The following SLIT3 variants were observed in gnomAD, a reference collection of about 807,000 sequenced individuals.
The protein encoded by SLIT3 is slit homolog 3 protein.
Under a neutral mutation model 184.0 loss-of-function variants are expected in SLIT3, and 68 were observed. The ratio of observed to expected loss-of-function variants is 0.37; its 90% CI spans 0.30 to 0.45. SLIT3 has a LOEUF of 0.45. SLIT3 is among the 20% of genes least tolerant of loss of function. The probability of loss-of-function intolerance (pLI) is 1.00; values close to 1 mark genes in which losing one functional copy is unlikely to be tolerated. For synonymous variants in SLIT3, 831 were observed against 828.6 expected (o/e 1.00, Z -0.05); for missense variants, 1,707 against 2,026.0 (o/e 0.84, Z 3.02).
At chr5:168,730,168 G>A (rs1763252236) in intron 20 of SLIT3, among the ~76,000 whole-genome samples, 1 of 151,616 alleles carries the variant, frequency 6.6e-6, no homozygotes, top group South Asian at 2.1e-4. Flanking sequence ...AATTCAGCAA[G>A]AGGATGTAAT....
chr5:168,720,352 G>A (rs1273612443), intron 23 of SLIT3: 1 of 146,812 alleles, frequency 6.8e-6, no homozygotes, highest in Non-Finnish European at 1.5e-5. Context: ...TGGTCAGGCT[G>A]GTGGTGTTCA....
At chr5:168,721,602 G>A (rs368976090) in intron 23 of SLIT3, among the ~76,000 whole-genome samples, 1 of 152,226 alleles carries the variant, frequency 6.6e-6, no homozygotes, top group African/African-American at 2.4e-5. Context: ...CAGCCATGCA[G>A]GAATGCAGGG....
At chr5:168,897,430 A>C (rs1760706063) in intron 4 of SLIT3, among the ~76,000 whole-genome samples, 1 of 152,122 alleles carries the variant, frequency 6.6e-6, no homozygotes, top group Non-Finnish European at 1.5e-5. Context: ...AGAGAGAGAG[A>C]GACAGAGAGA....
intron 34 of SLIT3, 115 bp from the exon 35 acceptor site, chr5:168,670,106 G>C (rs1487870923): frequency 1.2e-6 from 1 of 823,406 alleles, no homozygotes; most frequent in Non-Finnish European, 2.0e-6. Flanking sequence ...CAGTCCAATA[G>C]CTTTCTCTGT....
intron 4 of SLIT3, among the ~76,000 whole-genome samples, chr5:169,158,176 C>A (rs1012068732): frequency 6.6e-6 from 1 of 152,090 alleles, no homozygotes; most frequent in Non-Finnish European, 1.5e-5. Flanking sequence ...CAAGACGCAC[C>A]ATAGAAAAAT....
chr5:168,767,082 CT>C (rs1221011183), intron 14 of SLIT3, among the ~76,000 whole-genome samples: 1 of 152,142 alleles, frequency 6.6e-6, no homozygotes, highest in Non-Finnish European at 1.5e-5. Context: ...TAAAGTGGGA[CT>C]TTAGATTTTG....
intron 5 of SLIT3, among the ~76,000 whole-genome samples, chr5:168,874,067 C>T (rs1759638216): frequency 6.6e-6 from 1 of 151,978 alleles, no homozygotes; most frequent in African/African-American, 2.4e-5. Context: ...TTCCTTTTTG[C>T]CAGAGTATAT....
chr5:169,135,752 T>A (rs181734102), intron 4 of SLIT3, among the ~76,000 whole-genome samples: 4 of 152,318 alleles, frequency 2.6e-5, no homozygotes, highest in Non-Finnish European at 5.9e-5. Context: ...GCAATCTCCA[T>A]GAGCTCTAAA....
At chr5:169,213,815 T>C (rs1212170981) in intron 3 of SLIT3, among the ~76,000 whole-genome samples, 1 of 152,206 alleles carries the variant, frequency 6.6e-6, no homozygotes, top group Non-Finnish European at 1.5e-5. Context: ...ACACAATAAA[T>C]ATTTGTTAAA....
In SLIT3 at chr5:168,850,548, TTAGA is replaced by T. The variant is rs150366206; in HGVS notation, c.486-5897_486-5894del. Among the ~76,000 whole-genome samples, 947 of 152,334 alleles carry T rather than the reference TTAGA, an allele frequency of 6.2e-3. 7 individuals carry two copies. Among genetic ancestry groups the T allele is most frequent in the Middle Eastern group, 0.01 (3 of 294 alleles). ...TAGCCAGTTACATTTACAGAGATAT[TTAGA>T]TAATTGATTGTTAGCATTCCAAAGA... On this transcript the variant is annotated intron_variant, in intron 5 of 35. Coordinates refer to ENST00000519560, the MANE Select transcript of SLIT3 (RefSeq NM_003062.4).
intron 4 of SLIT3, among the ~76,000 whole-genome samples, chr5:169,103,404 G>A (rs1359045078): frequency 6.6e-6 from 1 of 152,206 alleles, no homozygotes; most frequent in African/African-American, 2.4e-5. Context: ...CCTGGCCCAG[G>A]TGATCCTCAG....
At chr5:168,897,902 C>A (rs533605944) in intron 4 of SLIT3, among the ~76,000 whole-genome samples, 24 of 150,530 alleles carry the variant, frequency 1.6e-4, no homozygotes, top group African/African-American at 3.6e-4. Context: ...GACACCCCCC[C>A]ACCTTTGCAT....
chr5:169,071,242 A>C (rs1390577556), intron 4 of SLIT3, among the ~76,000 whole-genome samples: 2 of 152,248 alleles, frequency 1.3e-5, no homozygotes, highest in African/African-American at 4.8e-5. Context: ...TGTTGGCTTC[A>C]GTCCCTGAAT....
At position 168,789,607 on chromosome 5, in the gene SLIT3, C is replaced by A. The variant is rs200448774; in HGVS notation, c.1032G>T (p.Ser344=). ...KRIDISKNQI[S]DIAPDAFQGL... Reference sequence around the variant, plus strand: ...CCTGGAAGGCATCTGGAGCAATATCCGATATCTGATTCTTGCTGATGTCTC... The same window carrying A: ...CCTGGAAGGCATCTGGAGCAATATCAGATATCTGATTCTTGCTGATGTCTC... The change falls in exon 11 of 36, where the codon TCG becomes TCT. Residue 344 remains serine, a synonymous_variant. Transcript: ENST00000519560. The A allele has an allele frequency of 2.5e-6, 4 of 1,613,574 alleles. No homozygotes were observed. In the African/African-American group the frequency reaches 5.3e-5, roughly 22 times the overall value.
intron 3 of SLIT3, among the ~76,000 whole-genome samples, chr5:169,229,298 A>G (rs1338978027): frequency 2.0e-5 from 3 of 152,218 alleles, no homozygotes; most frequent in African/African-American, 7.2e-5. Flanking sequence ...TCTTCAAGAC[A>G]TTGAGGGGAA....
At chr5:169,183,305 A>C (rs1247051060) in intron 4 of SLIT3, among the ~76,000 whole-genome samples, 3 of 152,220 alleles carry the variant, frequency 2.0e-5, no homozygotes, top group African/African-American at 7.2e-5. Flanking sequence ...TACGTAGTAA[A>C]GAGAGTACAC....
At chr5:168,930,525 A>T (rs1405631618) in intron 4 of SLIT3, among the ~76,000 whole-genome samples, 1 of 152,116 alleles carries the variant, frequency 6.6e-6, no homozygotes, top group Non-Finnish European at 1.5e-5. Flanking sequence ...TCATCGGGGC[A>T]GTAGAGATAG....
At position 168,903,140 on chromosome 5, in the gene SLIT3, C is replaced by G. The variant is rs116245336; in HGVS notation, c.414-19804G>C. Among the ~76,000 whole-genome samples the G allele has an allele frequency of 8.0e-3, 1,225 of 152,316 alleles. 19 individuals carry two copies. Among genetic ancestry groups the G allele is most frequent in the African/African-American group, 0.028 (1,151 of 41,550 alleles). On this transcript the variant is annotated intron_variant, in intron 4 of 35. Transcript: ENST00000519560. ...GCCAATTAAAAAATAACTGATATTT[C>G]AGCTAATTCATATTTACATGTAAAT...
intron 20 of SLIT3, among the ~76,000 whole-genome samples, chr5:168,735,166 C>G (rs1368422215): frequency 1.3e-5 from 2 of 152,194 alleles, no homozygotes; most frequent in Admixed American, 6.5e-5. Flanking sequence ...ATTTGGCCTG[C>G]ATTTAAATGC....
Sources: allele counts gnomAD v4.1 joint callset (sites outside exome capture counted in the v4.1 genomes callset), GRCh38; gene constraint gnomAD v4.1.1; transcripts MANE v1.5; gene names NCBI Gene and HGNC (gene_info 2026-07-23, HGNC 2026-07-21).